Variants in CCNB3 observed in about 807,000 individuals in gnomAD.
CCNB3 encodes the protein G2/mitotic-specific cyclin-B3.
A neutral mutation model predicts 68.0 loss-of-function variants in CCNB3; 12 were observed. That is an observed-to-expected ratio of 0.18 (90% CI 0.11 to 0.29). The LOEUF is 0.29. Among genes scored for constraint, CCNB3 ranks in the 10% least tolerant of loss-of-function variants. The probability of loss-of-function intolerance (pLI) is 1.00; values close to 1 mark genes in which losing one functional copy is unlikely to be tolerated. For synonymous variants in CCNB3, 354 were observed against 388.9 expected (o/e 0.91, Z 1.06); for missense variants, 904 against 993.1 (o/e 0.91, Z 1.21).
chrX:50,297,161 C>T (rs1314864373), intron 5 of CCNB3, among the ~76,000 whole-genome samples: 9 of 111,456 alleles, frequency 8.1e-5, no homozygotes, highest in Non-Finnish European at 1.3e-4. Flanking sequence ...ATTTTGGCTT[C>T]TGTTGCCATT....
chrX:50,294,600 C>T (rs1321393688), intron 4 of CCNB3, among the ~76,000 whole-genome samples: 1 of 111,477 alleles, frequency 9.0e-6, no homozygotes, highest in African/African-American at 3.3e-5. Flanking sequence ...CATCCTGTAT[C>T]TCTTGGAAAC....
At chrX:50,217,067 C>T (rs921652739) in intron 1 of CCNB3, among the ~76,000 whole-genome samples, 3 of 111,037 alleles carry the variant, frequency 2.7e-5, no homozygotes, top group Non-Finnish European at 5.7e-5. Flanking sequence ...TGAGAAAACT[C>T]AGGATCAGAA....
At chrX:50,314,437 C>G (rs1202377336) in intron 8 of CCNB3, among the ~76,000 whole-genome samples, 1 of 111,142 alleles carries the variant, frequency 9.0e-6, no homozygotes, top group Middle Eastern at 4.7e-3. Flanking sequence ...GATAGGAGAG[C>G]CCAGAGTAGT....
At chrX:50,226,402 AAT>A (rs1366831928) in intron 1 of CCNB3, among the ~76,000 whole-genome samples, 1 of 48,105 alleles carries the variant, frequency 2.1e-5, no homozygotes, top group African/African-American at 1.0e-4. Context: ...TATATATAAA[AAT>A]ATATATAGAA....
chrX:50,348,171 A>G (rs2147106196), intron 11 of CCNB3, among the ~76,000 whole-genome samples: 1 of 110,971 alleles, frequency 9.0e-6, no homozygotes, highest in South Asian at 3.9e-4. Context: ...AGGGTTTGAA[A>G]AGCACTGAGC....
chrX:50,348,660 CTT>C (rs1923524154), intron 11 of CCNB3, among the ~76,000 whole-genome samples: 1 of 112,774 alleles, frequency 8.9e-6, no homozygotes, highest in African/African-American at 3.2e-5. Context: ...GATCTAAGCA[CTT>C]TGTGTATTAA....
rs1368539358 is a variant in CCNB3 at position 50,204,830 on chromosome X, C to CTG, written c.-232_-231insGT. On this transcript the variant is annotated 5_prime_UTR_variant, in exon 1 of 13. Coordinates refer to ENST00000376042, the MANE Select transcript of CCNB3 (RefSeq NM_033031.3). Reference sequence around the variant, plus strand: ...CGGTTGGTCGCCTCTCTCTCTCTCTCTCTCTGTTCCTCATCTACATTTTGA... The same window carrying CTG: ...CGGTTGGTCGCCTCTCTCTCTCTCTCTGTCTCTGTTCCTCATCTACATTTTGA... 1 of 109,481 alleles carries CTG rather than the reference C, an allele frequency of 9.1e-6. No homozygotes were observed. The highest frequency in any genetic ancestry group is 1.9e-5 in the Non-Finnish European group (1 of 52,605). 9.0% of individuals were successfully genotyped at this position (109,481 alleles called of 1,213,427 possible).
chrX:50,339,988 A>G (rs191687109), intron 8 of CCNB3, among the ~76,000 whole-genome samples: 1 of 112,089 alleles, frequency 8.9e-6, no homozygotes, highest in African/African-American at 3.2e-5. Flanking sequence ...TCAGGCACCA[A>G]TAGGAAACTA....
chrX:50,317,915 A>G (rs1349755623), intron 8 of CCNB3, among the ~76,000 whole-genome samples: 3 of 111,364 alleles, frequency 2.7e-5, no homozygotes, highest in Non-Finnish European at 5.6e-5. Flanking sequence ...TACATGTTAC[A>G]TTAAATCTAT....
intron 9 of CCNB3, among the ~76,000 whole-genome samples, chrX:50,344,891 C>T (rs1557220080): frequency 9.0e-6 from 1 of 111,434 alleles, no homozygotes; most frequent in Non-Finnish European, 1.9e-5. Context: ...ATTTTTCCTT[C>T]AGCTAGGCTA....
At chrX:50,279,443 TAAATATATAAATATATATAA>T (rs1316309338) in intron 1 of CCNB3, among the ~76,000 whole-genome samples, 1 of 71,119 alleles carries the variant, frequency 1.4e-5, no homozygotes, top group Non-Finnish European at 2.6e-5. Flanking sequence ...AATATATATA[TAAATATATAAATATATATAA>T]ATATATAAAT....
At chrX:50,208,243 A>G in intron 1 of CCNB3, among the ~76,000 whole-genome samples, 1 of 111,961 alleles carries the variant, frequency 8.9e-6, no homozygotes, top group Non-Finnish European at 1.9e-5. Flanking sequence ...GTGAGCTCAT[A>G]TTATCAATTA....
intron 8 of CCNB3, among the ~76,000 whole-genome samples, chrX:50,319,462 A>G (rs1360282568): frequency 9.0e-6 from 1 of 111,496 alleles, no homozygotes; most frequent in Non-Finnish European, 1.9e-5. Context: ...TTGTGTGTTG[A>G]CCTTGTATTC....
intron 1 of CCNB3, among the ~76,000 whole-genome samples, chrX:50,212,713 A>T (rs1935502304): frequency 9.0e-6 from 1 of 110,532 alleles, no homozygotes; most frequent in African/African-American, 3.3e-5. Context: ...GGCAACCACT[A>T]ATCTACTTTC....
intron 8 of CCNB3, among the ~76,000 whole-genome samples, chrX:50,341,329 CAATAAATAAATAAATAAATAAATA>C (rs199995900): frequency 2.3e-5 from 2 of 86,714 alleles, no homozygotes; most frequent in South Asian, 1.3e-3. Flanking sequence ...AACTCCGTCT[CAATAAATAAATAAATAAATAAATA>C]AATAAATAAA....
chrX:50,206,770 T>G (rs1427066251), intron 1 of CCNB3, among the ~76,000 whole-genome samples: 5 of 107,349 alleles, frequency 4.7e-5, no homozygotes, highest in African/African-American at 1.4e-4. Context: ...AAAAAAAAAT[T>G]AGCTGGGTGT....
At chrX:50,288,015 A>G (rs1253000097) in intron 3 of CCNB3, among the ~76,000 whole-genome samples, 2 of 107,829 alleles carry the variant, frequency 1.9e-5, no homozygotes, top group Non-Finnish European at 3.8e-5. Flanking sequence ...TGAGAATCTA[A>G]TGCCTTATGA....
At position 50,308,887 on chromosome X, in the gene CCNB3, C is replaced by T. The variant is rs536375585; in HGVS notation, c.718C>T (p.Arg240Trp). 6.0e-5 allele frequency: 73 copies of T among 1,209,038 alleles called. No individual in the cohort carries two copies. Among genetic ancestry groups the T allele is most frequent in the South Asian group, 1.1e-4 (6 of 56,608 alleles). ...SLKKKMCASQ[R>W]KQSCQEESLA... ...AAAGAAGAAGATGTGTGCAAGTCAG[C>T]GGAAGCAGTCCTGCCAGGAAGAGTC... Residue 240 changes from arginine to tryptophan, a missense_variant, in exon 6 of 13, where the codon CGG becomes TGG. Around this residue, in one of 2 missense-constraint regions of CCNB3, gnomAD observed 619 missense variants for 609.8 expected, o/e 1.02. Coordinates refer to ENST00000376042, the MANE Select transcript of CCNB3 (RefSeq NM_033031.3).
chrX:50,315,265 G>A (rs1921660611), intron 8 of CCNB3, among the ~76,000 whole-genome samples: 1 of 111,135 alleles, frequency 9.0e-6, no homozygotes, highest in South Asian at 3.8e-4. Flanking sequence ...TTATATCAAT[G>A]TATACCCCTT....
Sources: gnomAD v4.1 joint callset for allele counts (sites outside exome capture counted in the v4.1 genomes callset) on GRCh38, gnomAD v4.1.1 for gene constraint, gnomAD v4.1.1 regional missense constraint, MANE v1.5 for transcripts, NCBI Gene and HGNC (gene_info 2026-07-23, HGNC 2026-07-21) for gene names.